The following CACNB2 variants were observed in gnomAD, a reference collection of about 807,000 sequenced individuals.
CACNB2 encodes calcium voltage-gated channel auxiliary subunit beta 2, also known as voltage-dependent L-type calcium channel subunit beta-2.
Under a neutral mutation model 73.3 loss-of-function variants are expected in CACNB2, and 42 were observed. That is an observed-to-expected ratio of 0.57 (90% confidence interval 0.45 to 0.74). The LOEUF (loss-of-function observed/expected upper bound fraction) is 0.74. Ranked by LOEUF, CACNB2 falls within the 30% of genes least tolerant of loss-of-function variation. CACNB2 has a pLI of 0.00. For missense variants in CACNB2, 940 were observed against 853.0 expected (o/e 1.10, Z -1.27); for synonymous variants, 348 against 310.3 (o/e 1.12, Z -1.28).
chr10:18,158,241 G>A (rs952567500), intron 2 of CACNB2, among the ~76,000 whole-genome samples: 4 of 152,132 alleles, frequency 2.6e-5, no homozygotes, highest in Non-Finnish European at 5.9e-5. Context: ...CATATTTATG[G>A]CACCTAGTTT....
intron 2 of CACNB2, among the ~76,000 whole-genome samples, chr10:18,201,872 C>T (rs1014657958): frequency 2.6e-5 from 4 of 152,128 alleles, no homozygotes; most frequent in South Asian, 2.1e-4. Flanking sequence ...TTTAAAATGT[C>T]TTATACAATT....
chr10:18,393,170 T>C (rs1250489019), intron 2 of CACNB2, among the ~76,000 whole-genome samples: 1 of 133,942 alleles, frequency 7.5e-6, no homozygotes, highest in Non-Finnish European at 1.6e-5. Flanking sequence ...GATCGCCCCA[T>C]TGTACTCCAG....
chr10:18,231,017 G>A (rs1024554914), intron 2 of CACNB2, among the ~76,000 whole-genome samples: 6 of 152,148 alleles, frequency 3.9e-5, no homozygotes, highest in African/African-American at 9.7e-5. Context: ...AGGCTGAAAC[G>A]AAAGGATGCG....
At chr10:18,380,006 T>C (rs12782341) in intron 2 of CACNB2, among the ~76,000 whole-genome samples, 371 of 152,326 alleles carry the variant, frequency 2.4e-3, no homozygotes, top group Non-Finnish European at 4.6e-3. Flanking sequence ...ACCTTCTGTT[T>C]CTATGAATTT....
intron 9 of CACNB2, chr10:18,519,773 C>T (rs1304886443): frequency 1.1e-5 from 5 of 455,914 alleles, no homozygotes; most frequent in South Asian, 6.2e-5. Context: ...CTTCAGCCTA[C>T]CCCAGTTATG....
chr10:18,515,392 T>C (rs2051176357), intron 7 of CACNB2, among the ~76,000 whole-genome samples: 1 of 152,234 alleles, frequency 6.6e-6, no homozygotes, highest in Admixed American at 6.5e-5. Flanking sequence ...ATCATACTAA[T>C]GTCGCCAAGT....
chr10:18,220,230 T>TAGAGAG (rs1352080814), intron 2 of CACNB2, among the ~76,000 whole-genome samples: 42 of 34,438 alleles, frequency 1.2e-3, no homozygotes, highest in Admixed American at 3.9e-3. Flanking sequence ...TATATATATA[T>TAGAGAG]ATAGAGAGAG....
intron 2 of CACNB2, among the ~76,000 whole-genome samples, chr10:18,322,890 G>C (rs1022995019): frequency 5.7e-5 from 8 of 140,702 alleles, no homozygotes; most frequent in African/African-American, 2.1e-4. Context: ...TTTTTTTTTT[G>C]GAAATGAGAT....
intron 3 of CACNB2, among the ~76,000 whole-genome samples, chr10:18,460,819 G>T (rs1045593198): frequency 9.2e-5 from 14 of 151,686 alleles, no homozygotes; most frequent in African/African-American, 2.9e-4. Flanking sequence ...GAGCGTGGGA[G>T]GTTGAAGCTG....
In CACNB2 at chr10:18,391,339, G is replaced by C. The variant is rs75716002; in HGVS notation, c.214-10585G>C. 5.6e-3 allele frequency among the ~76,000 whole-genome samples: 850 copies of C among 152,292 alleles called. 6 individuals carry two copies. Among genetic ancestry groups the C allele is most frequent in the African/African-American group, 0.018 (768 of 41,562 alleles). ...AAGAAAGAGACACTAGCACATTTAGGAATGTTTAAGAATGTTTAGGAATGC... is the reference window on the plus strand; with the variant it reads ...AAGAAAGAGACACTAGCACATTTAGCAATGTTTAAGAATGTTTAGGAATGC... On this transcript the variant is annotated intron_variant, in intron 2 of 13. Coordinates refer to ENST00000324631, the MANE Select transcript of CACNB2 (RefSeq NM_201596.3).
intron 2 of CACNB2, among the ~76,000 whole-genome samples, chr10:18,335,201 C>G (rs932327350): frequency 1.3e-5 from 2 of 151,544 alleles, no homozygotes; most frequent in African/African-American, 4.8e-5. Flanking sequence ...TTTCTATTCT[C>G]TTAACACTGG....
intron 2 of CACNB2, among the ~76,000 whole-genome samples, chr10:18,314,577 T>C (rs2040085025): frequency 6.6e-6 from 1 of 151,374 alleles, no homozygotes; most frequent in Non-Finnish European, 1.5e-5. Context: ...CCCACATTTG[T>C]GAGAAAAAAA....
At chr10:18,362,490 G>T (rs1252508190) in intron 2 of CACNB2, among the ~76,000 whole-genome samples, 1 of 151,554 alleles carries the variant, frequency 6.6e-6, no homozygotes, top group Admixed American at 6.6e-5. Context: ...TTCTATTTTT[G>T]TCATTTTAGA....
intron 3 of CACNB2, among the ~76,000 whole-genome samples, chr10:18,479,099 T>C (rs1381019354): frequency 6.6e-6 from 1 of 152,084 alleles, no homozygotes; most frequent in Non-Finnish European, 1.5e-5. Context: ...TTTGACAGAG[T>C]TTAACTCTTT....
chr10:18,508,201 T>G (rs934782415), intron 6 of CACNB2, among the ~76,000 whole-genome samples: 1 of 152,240 alleles, frequency 6.6e-6, no homozygotes, highest in Admixed American at 6.5e-5. Context: ...GCACAATAAA[T>G]GAATTGCTTT....
intron 2 of CACNB2, among the ~76,000 whole-genome samples, chr10:18,166,269 T>A (rs563217193): frequency 3.3e-5 from 5 of 152,182 alleles, no homozygotes; most frequent in Non-Finnish European, 7.3e-5. Flanking sequence ...ATGAGGATTT[T>A]TTTTTTGAGA....
At chr10:18,539,124 G>A in intron 13 of CACNB2, 106 bp from the exon 14 acceptor site, 4 of 1,442,922 alleles carry the variant, frequency 2.8e-6, no homozygotes, top group Non-Finnish European at 3.9e-6. Flanking sequence ...CTTCATTTCA[G>A]CTTTTCGGAT....
chr10:18,205,124 AT>A (rs2035037465), intron 2 of CACNB2, among the ~76,000 whole-genome samples: 1 of 152,048 alleles, frequency 6.6e-6, no homozygotes, highest in Non-Finnish European at 1.5e-5. Flanking sequence ...TTGAATAGAA[AT>A]TTCCTGGACT....
At chr10:18,200,412 T>G (rs144537462) in intron 2 of CACNB2, among the ~76,000 whole-genome samples, 37 of 152,184 alleles carry the variant, frequency 2.4e-4, no homozygotes, top group African/African-American at 8.7e-4. Flanking sequence ...CTTACATGAA[T>G]TGGAATATGG....
Sources: gnomAD v4.1 joint callset for allele counts (sites outside exome capture counted in the v4.1 genomes callset) on GRCh38, gnomAD v4.1.1 for gene constraint, MANE v1.5 for transcripts, NCBI Gene and HGNC (gene_info 2026-07-23, HGNC 2026-07-21) for gene names.